The following KCNK16 variants were observed in gnomAD, a reference collection of about 807,000 sequenced individuals.
The protein encoded by KCNK16 is potassium channel subfamily K member 16.
In KCNK16, 23 loss-of-function variants were observed where a neutral mutation model predicts 23.0. That is an observed-to-expected ratio of 1.00 (90% confidence interval 0.72 to 1.41). The LOEUF (loss-of-function observed/expected upper bound fraction) is 1.41, where lower values mean the gene tolerates loss of function less well. Among genes scored for constraint, KCNK16 ranks in the 40% most tolerant of loss-of-function variants. KCNK16 has a pLI of 0.00. For synonymous variants in KCNK16, 145 were observed against 153.5 expected (o/e 0.94, Z 0.41); for missense variants, 327 against 365.8 (o/e 0.89, Z 0.87).
Position 39,322,577 on chromosome 6 carries a change from C to G in KCNK16, c.-37G>C, listed in dbSNP as rs1259458044. ...GACCCTGCCAGGGCCGTGGGGCTGGCTATGGGGGAGAGGTGGGAAACAGGT... is the reference window on the plus strand; with the variant it reads ...GACCCTGCCAGGGCCGTGGGGCTGGGTATGGGGGAGAGGTGGGAAACAGGT... On this transcript the variant is annotated 5_prime_UTR_variant, in exon 1 of 5. Coordinates refer to ENST00000437525, the MANE Select transcript of KCNK16 (RefSeq NM_001135106.2). 3.9e-6 allele frequency: 6 copies of G among 1,545,132 alleles called. 1 individual carries two copies. The East Asian group carries it at 1.4e-4, about 37-fold the overall frequency.
downstream of KCNK16, chr6:39,314,992 C>A (rs1367988702): frequency 2.5e-6 from 4 of 1,588,230 alleles, no homozygotes; most frequent in Admixed American, 5.2e-5. Context: ...TGTGAAGAGT[C>A]CGTGGGTCCT....
At position 39,322,503 on chromosome 6, in the gene KCNK16, C is replaced by A; in HGVS notation, c.38G>T (p.Arg13Leu). The change falls in exon 1 of 5, where the codon CGG (arginine) becomes CTG (leucine). Residue 13 changes from arginine (R) to leucine (L), a missense_variant. By Grantham distance (102) the Arg-to-Leu change is moderately radical. Coordinates refer to ENST00000437525, the MANE Select transcript of KCNK16 (RefSeq NM_001135106.2). The part of the protein sequence containing the change: ...SAGLCSCWGG[R>L]VLPLLLAYVC... ...ATAGGCCAGCAGCAGGGGCAGCACC[C>A]GGCCACCCCAGCAGCTGCAGAGCCC... 6.2e-7 allele frequency: 1 copy of A among 1,610,956 alleles called. No homozygotes were observed. Among genetic ancestry groups the A allele is most frequent in the African/African-American group, 1.3e-5 (1 of 75,036 alleles).
At chr6:39,321,975 G>A (rs1452123966) in intron 1 of KCNK16, among the ~76,000 whole-genome samples, 21 of 152,236 alleles carry the variant, frequency 1.4e-4, no homozygotes, top group Admixed American at 1.3e-3. Context: ...TTTGGATAGC[G>A]TTGATAACGC....
rs373163887 is a variant in KCNK16, at chr6:39,317,965, G to A, written c.329-13C>T. On this transcript the variant is annotated splice_polypyrimidine_tract_variant and intron_variant, in intron 2 of 4. Coordinates refer to ENST00000437525, the MANE Select transcript of KCNK16 (RefSeq NM_001135106.2). ...AGGTTCCCATATCCTGCAAGGGAAG[G>A]GGGGCGTGTGCAAATATGGAGACTC... 57 of 1,591,012 alleles carry A rather than the reference G, an allele frequency of 3.6e-5. No homozygotes were observed. The highest frequency in any genetic ancestry group is 1.5e-4 in the South Asian group (13 of 88,224).
In KCNK16 at chr6:39,316,947, C is replaced by T; in HGVS notation, c.496G>A (p.Val166Ile). ...RWEDRPRRSQ[V>I]LQVLGLALFL... ...AGAGCCAGGCCCAGGACTTGCAGTACCTAGGAGGGAGGGAGTTGGCCTCTG... is the reference window on the plus strand; with the variant it reads ...AGAGCCAGGCCCAGGACTTGCAGTATCTAGGAGGGAGGGAGTTGGCCTCTG... Residue 166 changes from valine (V) to isoleucine (I), a missense_variant and splice_region_variant, in exon 4 of 5, where the codon GTA becomes ATA. By Grantham distance (29) the Val-to-Ile change is conservative. Coordinates refer to ENST00000437525, the MANE Select transcript of KCNK16 (RefSeq NM_001135106.2). 6.2e-7 allele frequency: 1 copy of T among 1,608,862 alleles called. No homozygotes were observed.
chr6:39,315,108 GCTCCAC>G, downstream of KCNK16: 1 of 1,613,774 alleles, frequency 6.2e-7, no homozygotes, highest in Non-Finnish European at 8.5e-7. Flanking sequence ...AGCCGCCTTG[GCTCCAC>G]AGCCTTGCCT....
rs1451930827 is a variant in KCNK16 at position 39,317,852 on chromosome 6, C to A, written c.429G>T (p.Leu143=). The change falls in exon 3 of 5, where the codon CTG becomes CTT. Residue 143 remains leucine (L), a synonymous_variant. Coordinates refer to ENST00000437525, the MANE Select transcript of KCNK16 (RefSeq NM_001135106.2). ...CCAGATGGGCACGCAGCCCTGTGCC[C>A]AGGTGGTTGAGGAAGATCACGTTAA... is the stretch of plus-strand genomic sequence containing the variant. ...IPLNVIFLNH[L]GTGLRAHLAA... 6.2e-7 allele frequency: 1 copy of A among 1,613,662 alleles called. No individual in the cohort carries two copies. Among genetic ancestry groups the A allele is most frequent in the Admixed American group, 1.7e-5 (1 of 59,954 alleles).
At position 39,319,209 on chromosome 6, in the gene KCNK16, C is replaced by T; in HGVS notation, c.214-76G>A. The T allele has an allele frequency of 2.4e-6, 2 of 831,224 alleles. No homozygotes were observed. Among genetic ancestry groups the T allele is most frequent in the Admixed American group, 1.8e-5 (1 of 56,440 alleles). The allele number at this position is 831,224 out of a possible 1,614,324, so 51.5% of individuals were successfully genotyped here. ...GCACCAGTTGTTGCCATGCTTTTGG[C>T]AGCATGCTTTTGTGTCATCTCATCT... On this transcript the variant is annotated intron_variant, in intron 1 of 4. Coordinates refer to ENST00000437525, the MANE Select transcript of KCNK16 (RefSeq NM_001135106.2). This position sits in a 1 kb window ranked among gnomAD's most constrained non-coding sequence, Gnocchi z 4.2.
chr6:39,321,639 T>G (rs1163467056), intron 1 of KCNK16, among the ~76,000 whole-genome samples: 2 of 152,220 alleles, frequency 1.3e-5, no homozygotes, highest in Non-Finnish European at 2.9e-5. Flanking sequence ...TGCATTCACC[T>G]CCCTCCACAA....
chr6:39,317,891 C>A lies in KCNK16; in HGVS notation c.390G>T (p.Leu130=). ...AGQVFCVFYA[L]LGIPLNVIFL... is the part of the protein sequence containing the mutation. ...AGATCACGTTAAGCGGGATGCCCAA[C>A]AGGGCATAGAAGACACAGAAGACCT... The change falls in exon 3 of 5, where the codon CTG becomes CTT. Residue 130 remains leucine, a synonymous_variant. Coordinates refer to ENST00000437525, the MANE Select transcript of KCNK16 (RefSeq NM_001135106.2). 1 of 1,613,906 alleles carries A rather than the reference C, an allele frequency of 6.2e-7. No homozygotes were observed. Among genetic ancestry groups the A allele is most frequent in the Non-Finnish European group, 8.5e-7 (1 of 1,179,894 alleles).
Position 39,317,969 on chromosome 6 carries a change from G to A in KCNK16, c.329-17C>T. 2 of 1,589,052 alleles carry A rather than the reference G, an allele frequency of 1.3e-6. No individual in the cohort carries two copies. The highest frequency in any genetic ancestry group is 2.7e-5 in the African/African-American group (2 of 74,380). Reference sequence around the variant, plus strand: ...TCCCATATCCTGCAAGGGAAGGGGGGCGTGTGCAAATATGGAGACTCTAGA... The same window carrying A: ...TCCCATATCCTGCAAGGGAAGGGGGACGTGTGCAAATATGGAGACTCTAGA... On this transcript the variant is annotated splice_polypyrimidine_tract_variant and intron_variant, in intron 2 of 4. Coordinates refer to ENST00000437525, the MANE Select transcript of KCNK16 (RefSeq NM_001135106.2).
At chr6:39,314,595 G>T, downstream of KCNK16, 1 of 436,430 alleles carries the variant, frequency 2.3e-6, no homozygotes, top group Non-Finnish European at 4.0e-6. Flanking sequence ...GGAGAAGGAG[G>T]AAGCTGCTGG....
At chr6:39,318,674 G>T (rs1762410167) in intron 2 of KCNK16, among the ~76,000 whole-genome samples, 1 of 152,112 alleles carries the variant, frequency 6.6e-6, no homozygotes, top group African/African-American at 2.4e-5. Context: ...TCAAAATGCT[G>T]GGGAACTAAT....
chr6:39,317,114 T>C (rs550226528), intron 3 of KCNK16, among the ~76,000 whole-genome samples, 167 bp from the exon 4 acceptor site: 1 of 152,326 alleles, frequency 6.6e-6, no homozygotes, highest in African/African-American at 2.4e-5. Context: ...TGCATGACCT[T>C]GTCCCACCCA....
chr6:39,321,603 TC>T (rs2113857747), intron 1 of KCNK16, among the ~76,000 whole-genome samples: 1 of 152,354 alleles, frequency 6.6e-6, no homozygotes, highest in East Asian at 1.9e-4. Context: ...GGGGATGTTG[TC>T]ACTCGCTCCA....
chr6:39,322,428 T>C lies in KCNK16; in HGVS notation c.113A>G (p.Gln38Arg), dbSNP rs1309812519. The change falls in exon 1 of 5, where the codon CAG (glutamine) becomes CGG (arginine). Residue 38 changes from glutamine to arginine, a missense_variant. Coordinates refer to ENST00000437525, the MANE Select transcript of KCNK16 (RefSeq NM_001135106.2). ...CTGGTCCCTGGACTGAGCCTCCGCC[T>C]GCCTCTCTAGCAGCTGGAAGATAGT... ...GATIFQLLERQAEAQSRDQFQ... is the reference protein window; with the variant it reads ...GATIFQLLERRAEAQSRDQFQ... 3 of 1,614,218 alleles carry C rather than the reference T, an allele frequency of 1.9e-6. No individual in the cohort carries two copies. The South Asian group carries it at 3.3e-5, about 18-fold the overall frequency.
intron 1 of KCNK16, among the ~76,000 whole-genome samples, chr6:39,320,823 T>G (rs979204192): frequency 1.4e-5 from 2 of 144,302 alleles, no homozygotes; most frequent in African/African-American, 5.3e-5. Flanking sequence ...AGCTTGGCTC[T>G]CACCTCCAAT....
At chr6:39,316,593 G>A (rs1762328002) in intron 4 of KCNK16, 151 bp from the exon 5 acceptor site, 1 of 1,210,094 alleles carries the variant, frequency 8.3e-7, no homozygotes, top group Non-Finnish European at 1.2e-6. Flanking sequence ...GGTGGTGATG[G>A]GTCCTAGACC....
At chr6:39,315,044 T>C, downstream of KCNK16, 1 of 1,613,386 alleles carries the variant, frequency 6.2e-7, no homozygotes, top group East Asian at 2.2e-5. Context: ...AGTCCTGGGG[T>C]GTGACTTGGA....
Sources: allele counts gnomAD v4.1 joint callset (sites outside exome capture counted in the v4.1 genomes callset), GRCh38; gene constraint gnomAD v4.1.1; non-coding constraint Gnocchi (gnomAD v3.1); transcripts MANE v1.5; gene names NCBI Gene and HGNC (gene_info 2026-07-23, HGNC 2026-07-21).